GRID2: variants seen among roughly 807,000 people sequenced by gnomAD.
GRID2 encodes glutamate ionotropic receptor delta type subunit 2.
GRID2 carries 33 observed loss-of-function variants against 114.8 expected under a neutral mutation model. The observed-to-expected ratio is 0.29, with a 90% confidence interval of 0.22 to 0.38. The LOEUF (loss-of-function observed/expected upper bound fraction) is 0.38. GRID2 is among the 10% of genes least tolerant of loss of function. GRID2 has a pLI of 1.00. For missense variants in GRID2, 1,184 were observed against 1,257.7 expected (o/e 0.94, Z 0.89); for synonymous variants, 505 against 449.9 (o/e 1.12, Z -1.55).
intron 2 of GRID2, among the ~76,000 whole-genome samples, chr4:92,993,771 C>T (rs765788766): frequency 1.3e-5 from 2 of 152,104 alleles, no homozygotes; most frequent in Non-Finnish European, 2.9e-5. Context: ...TGTTAAGTAT[C>T]TATTATGAGT....
intron 1 of GRID2, among the ~76,000 whole-genome samples, chr4:92,435,231 T>G (rs1732680715): frequency 6.6e-6 from 1 of 152,166 alleles, no homozygotes; most frequent in Admixed American, 6.6e-5. Context: ...CCTTGGGACA[T>G]TTCACAAATT....
intron 4 of GRID2, among the ~76,000 whole-genome samples, chr4:93,155,814 C>T (rs113082783): frequency 8.6e-5 from 13 of 151,336 alleles, no homozygotes; most frequent in African/African-American, 2.7e-4. Context: ...TTACCCAATG[C>T]TGGGAAGGGT....
intron 13 of GRID2, among the ~76,000 whole-genome samples, chr4:93,556,280 G>C (rs1734310071): frequency 6.6e-6 from 1 of 152,158 alleles, no homozygotes; most frequent in African/African-American, 2.4e-5. Context: ...GATAGAAGTA[G>C]GCTTCAGAAA....
intron 1 of GRID2, among the ~76,000 whole-genome samples, chr4:92,343,178 T>C (rs1727592290): frequency 6.6e-6 from 1 of 152,122 alleles, no homozygotes; most frequent in South Asian, 2.1e-4. Flanking sequence ...TTTAACTTTT[T>C]TGTAAAACTT....
intron 2 of GRID2, among the ~76,000 whole-genome samples, chr4:92,967,349 T>C (rs1478102461): frequency 6.6e-6 from 1 of 151,978 alleles, no homozygotes; most frequent in Non-Finnish European, 1.5e-5. Context: ...ACTCCGATGC[T>C]TCACAGTAAA....
At chr4:92,752,332 G>A (rs746865413) in intron 2 of GRID2, among the ~76,000 whole-genome samples, 1 of 152,090 alleles carries the variant, frequency 6.6e-6, no homozygotes, top group Non-Finnish European at 1.5e-5. Flanking sequence ...AAAAATACAA[G>A]AGATGAACAC....
intron 3 of GRID2, among the ~76,000 whole-genome samples, chr4:93,092,434 G>A (rs1338231307): frequency 6.6e-6 from 1 of 151,954 alleles, no homozygotes. Flanking sequence ...AGTGGGAGTG[G>A]ACAACCCTCT....
At chr4:93,675,551 A>G (rs1724778431) in intron 14 of GRID2, among the ~76,000 whole-genome samples, 2 of 152,186 alleles carry the variant, frequency 1.3e-5, no homozygotes, top group Admixed American at 1.3e-4. Context: ...GTCTGAAATA[A>G]GTACTATTGT....
At chr4:92,814,774 G>A (rs1304029646) in intron 2 of GRID2, among the ~76,000 whole-genome samples, 1 of 152,032 alleles carries the variant, frequency 6.6e-6, no homozygotes, top group Non-Finnish European at 1.5e-5. Context: ...GCTGGGCTTC[G>A]GAACTCACTG....
In GRID2 at chr4:93,772,407, C is replaced by G; in HGVS notation, c.2933C>G (p.Pro978Arg). 6.2e-7 allele frequency: 1 copy of G among 1,613,772 alleles called. No homozygotes were observed. The highest frequency in any genetic ancestry group is 8.5e-7 in the Non-Finnish European group (1 of 1,179,782). ...RAPNGGFFRSPIKTMSSIPYQ... is the reference protein window; with the variant it reads ...RAPNGGFFRSRIKTMSSIPYQ... ...CCTAATGGGGGCTTTTTCAGGAGTCCTATAAAAACAATGTCATCTATTCCT... is the reference window on the plus strand; with the variant it reads ...CCTAATGGGGGCTTTTTCAGGAGTCGTATAAAAACAATGTCATCTATTCCT... Residue 978 changes from proline to arginine, a missense_variant, in exon 16 of 16, where the codon CCT (proline) becomes CGT (arginine). Around this residue, in one of 3 missense-constraint regions of GRID2, gnomAD observed 717 missense variants for 796.9 expected, o/e 0.90. Transcript: ENST00000282020.
At chr4:92,927,869 A>G (rs1269659057) in intron 2 of GRID2, among the ~76,000 whole-genome samples, 3 of 151,656 alleles carry the variant, frequency 2.0e-5, no homozygotes, top group Non-Finnish European at 4.4e-5. Context: ...ATTTTTTTGG[A>G]TGTTAGAATG....
chr4:92,956,277 G>T (rs1752403745), intron 2 of GRID2, among the ~76,000 whole-genome samples: 1 of 152,058 alleles, frequency 6.6e-6, no homozygotes, highest in South Asian at 2.1e-4. Context: ...ACTCACTTTT[G>T]GTCTTATTGA....
intron 2 of GRID2, among the ~76,000 whole-genome samples, chr4:92,930,951 G>A (rs890590292): frequency 4.0e-5 from 6 of 150,642 alleles, no homozygotes; most frequent in Non-Finnish European, 6.0e-5. Flanking sequence ...GGGAAAAAAC[G>A]AAAAAGTAAA....
intron 14 of GRID2, among the ~76,000 whole-genome samples, chr4:93,763,508 G>A (rs927809336): frequency 1.3e-5 from 2 of 152,260 alleles, no homozygotes; most frequent in East Asian, 3.9e-4. Flanking sequence ...TTGATGAGAC[G>A]TTTACTCAGG....
chr4:93,449,549 G>A (rs1400483096), intron 10 of GRID2, among the ~76,000 whole-genome samples: 1 of 151,982 alleles, frequency 6.6e-6, no homozygotes, highest in Non-Finnish European at 1.5e-5. Context: ...TAGCTATTCA[G>A]GATCAAATGA....
chr4:92,897,257 C>T lies in GRID2; in HGVS notation c.245-187738C>T, dbSNP rs941276602. The stretch of plus-strand genomic sequence containing the variant: ...CTTCTCTGTTTTCCCCAAACAAATT[C>T]TCCCCATGTCTCTCTAAGTTCTCTG... On this transcript the variant is annotated intron_variant, in intron 2 of 15. Transcript: ENST00000282020. Among the ~76,000 whole-genome samples the T allele has an allele frequency of 2.0e-5, 3 of 152,058 alleles. No homozygotes were observed. The East Asian group carries it at 5.8e-4, about 29-fold the overall frequency.
intron 2 of GRID2, among the ~76,000 whole-genome samples, chr4:92,643,530 T>C (rs1731462742): frequency 6.6e-6 from 1 of 151,868 alleles, no homozygotes; most frequent in Non-Finnish European, 1.5e-5. Flanking sequence ...AGCATTTTTA[T>C]ATACTAATAA....
chr4:92,528,883 T>C (rs1428556423), intron 1 of GRID2, among the ~76,000 whole-genome samples: 1 of 145,768 alleles, frequency 6.9e-6, no homozygotes, highest in Non-Finnish European at 1.5e-5. Context: ...GGGAAAAATA[T>C]GAGCAAAGAA....
chr4:92,567,894 C>A (rs77390787), intron 1 of GRID2, among the ~76,000 whole-genome samples: 12,881 of 151,974 alleles, frequency 0.085, 641 homozygotes, highest in African/African-American at 0.13. Flanking sequence ...GCAAACAAAA[C>A]CCCTTGCCCT....
Sources: gnomAD v4.1 joint callset for allele counts (sites outside exome capture counted in the v4.1 genomes callset) on GRCh38, gnomAD v4.1.1 for gene constraint, gnomAD v4.1.1 regional missense constraint, MANE v1.5 for transcripts, NCBI Gene and HGNC (gene_info 2026-07-23, HGNC 2026-07-21) for gene names.